Variants in BUB3 observed in about 807,000 individuals in gnomAD.
BUB3 encodes the protein BUB3 mitotic checkpoint protein.
A neutral mutation model predicts 39.9 loss-of-function variants in BUB3; 22 were observed. That is an observed-to-expected ratio of 0.55 (90% CI 0.39 to 0.79). BUB3 has a LOEUF of 0.79. Ranked by LOEUF, BUB3 falls within the 30% of genes least tolerant of loss-of-function variation. The pLI is 0.00. For missense variants in BUB3, 303 were observed against 415.4 expected, an observed-to-expected ratio of 0.73 and a Z score of 2.35; for synonymous variants, 168 against 155.1, an observed-to-expected ratio of 1.08 and a Z score of -0.62.
chr10:123,162,935 G>C, intron 7 of BUB3, 107 bp downstream of exon 7: 4 of 1,055,130 alleles, frequency 3.8e-6, no homozygotes, highest in Non-Finnish European at 5.6e-6. Context: ...CGATATTACA[G>C]CTGACTGTAG....
At chr10:123,157,254 A>T (rs77388907) in intron 3 of BUB3, among the ~76,000 whole-genome samples, 1 of 152,258 alleles carries the variant, frequency 6.6e-6, no homozygotes, top group African/African-American at 2.4e-5. Context: ...TAAGTTTCTT[A>T]GCAGCATTGG....
At position 123,160,464 on chromosome 10, in the gene BUB3, G is replaced by C; in HGVS notation, c.475G>C (p.Val159Leu). The change falls in exon 5 of 8, where the codon GTG (valine) becomes CTG (leucine). Residue 159 changes from valine to leucine, a missense_variant. This residue lies in a region of BUB3 where 182 missense variants were observed against 293.1 expected (regional missense o/e 0.62). Transcript: ENST00000368865. ...RLIVGTAGRR[V>L]LVWDLRNMGY... Reference sequence around the variant, plus strand: ...GATTGTGGGAACAGCAGGCCGCAGAGTGTTGGTGTGGGACTTACGGAACAT... The same window carrying C: ...GATTGTGGGAACAGCAGGCCGCAGACTGTTGGTGTGGGACTTACGGAACAT... 1 of 1,613,530 alleles carries C rather than the reference G, an allele frequency of 6.2e-7. No individual in the cohort carries two copies. The highest frequency in any genetic ancestry group is 8.5e-7 in the Non-Finnish European group (1 of 1,179,954).
At chr10:123,159,111 A>G (rs1029058212) in intron 4 of BUB3, among the ~76,000 whole-genome samples, 2 of 152,216 alleles carry the variant, frequency 1.3e-5, no homozygotes, top group Non-Finnish European at 2.9e-5. Context: ...TGAGTAAGCT[A>G]TGATAAATCT....
In BUB3 at chr10:123,164,157, G is replaced by GT. The variant is rs1844458613; in HGVS notation, c.*323dup. On this transcript the variant is annotated 3_prime_UTR_variant, in exon 8 of 8. Coordinates refer to ENST00000368865, the MANE Select transcript of BUB3 (RefSeq NM_004725.4). ...TGGAAATAAATGTTTGTAAATAAGT[G>GT]TAATAAAAATCCCTTTGCATTCTTT... 2 of 1,048,952 alleles carry GT rather than the reference G, an allele frequency of 1.9e-6. No individual in the cohort carries two copies. The highest frequency in any genetic ancestry group is 8.5e-5 in the South Asian group (2 of 23,480). The allele number at this position is 1,048,952 out of a possible 1,614,324, so 65.0% of individuals were successfully genotyped here.
rs1325446632 is a variant in BUB3, at chr10:123,165,237, A to G, written c.*1402A>G. 1.6e-6 allele frequency: 1 copy of G among 609,056 alleles called. No homozygotes were observed. Among genetic ancestry groups the G allele is most frequent in the East Asian group, 2.8e-5 (1 of 35,644 alleles). 37.7% of individuals were successfully genotyped at this position (609,056 alleles called of 1,614,324 possible). On this transcript the variant is annotated 3_prime_UTR_variant, in exon 8 of 8. Transcript: ENST00000368865. ...AGGAGTCTTTGTGTCCCTGTACAGT[A>G]GTCTGACGTATTTCCCCTTCTGTCC...
Position 123,164,937 on chromosome 10 carries a change from T to G in BUB3, c.*1102T>G. The G allele has an allele frequency of 6.7e-7, 1 of 1,492,916 alleles. No individual in the cohort carries two copies. Among genetic ancestry groups the G allele is most frequent in the Admixed American group, 2.5e-5 (1 of 40,296 alleles). 92.5% of individuals were successfully genotyped at this position (1,492,916 alleles called of 1,614,324 possible). On this transcript the variant is annotated 3_prime_UTR_variant, in exon 8 of 8. Coordinates refer to ENST00000368865, the MANE Select transcript of BUB3 (RefSeq NM_004725.4). Reference sequence around the variant, plus strand: ...GAGATTTATTTTATCCGTGATGTATTTTTTTTAATTCTTTTGATACAGAGA... The same window carrying G: ...GAGATTTATTTTATCCGTGATGTATGTTTTTTAATTCTTTTGATACAGAGA...
In BUB3 at chr10:123,168,544, T is replaced by A. The variant is rs2133574812; in HGVS notation, c.*4709T>A. The A allele has an allele frequency of 6.7e-6, 1 of 149,344 alleles. No individual in the cohort carries two copies. Among genetic ancestry groups the A allele is most frequent in the Admixed American group, 6.7e-5 (1 of 14,954 alleles). The allele number at this position is 149,344 out of a possible 1,614,324, so 9.3% of individuals were successfully genotyped here. A position where few individuals can be genotyped will look rare whatever the true frequency, so the allele number is the denominator to read the frequency against. On this transcript the variant is annotated 3_prime_UTR_variant, in exon 8 of 8. Transcript: ENST00000368865. ...TCATAAACTTTTGTAAAACGTGAGATTTTTTGTGATTTTTTTTTTTTCGAG... is the reference window on the plus strand; with the variant it reads ...TCATAAACTTTTGTAAAACGTGAGAATTTTTGTGATTTTTTTTTTTTCGAG...
Position 123,162,855 on chromosome 10 carries a change from C to A in BUB3, c.971+27C>A, listed in dbSNP as rs761029872. On this transcript the variant is annotated intron_variant, in intron 7 of 7. Coordinates refer to ENST00000368865, the MANE Select transcript of BUB3 (RefSeq NM_004725.4). ...TGAGTATGCTTCACCTGTATTTGAGCCTTTTCTTGCATTCAACCCAGGATT... is the reference window on the plus strand; with the variant it reads ...TGAGTATGCTTCACCTGTATTTGAGACTTTTCTTGCATTCAACCCAGGATT... 28 of 1,586,606 alleles carry A rather than the reference C, an allele frequency of 1.8e-5. 1 individual carries two copies. The South Asian group carries it at 1.9e-4, about 11-fold the overall frequency.
In BUB3 at chr10:123,166,986, C is replaced by A. The variant is rs1564785445; in HGVS notation, c.*3151C>A. The A allele has an allele frequency of 6.6e-6, 1 of 152,216 alleles. No individual in the cohort carries two copies. Among genetic ancestry groups the A allele is most frequent in the Non-Finnish European group, 1.5e-5 (1 of 68,052 alleles). The allele number at this position is 152,216 out of a possible 1,614,324, so 9.4% of individuals were successfully genotyped here. A position where few individuals can be genotyped will look rare whatever the true frequency, so the allele number is the denominator to read the frequency against. The stretch of plus-strand genomic sequence containing the variant: ...TGCTTTGCCAAAGGTATCTTCTATA[C>A]CCTAATAACACTAGCTTCCTTCCCT... On this transcript the variant is annotated 3_prime_UTR_variant, in exon 8 of 8. Coordinates refer to ENST00000368865, the MANE Select transcript of BUB3 (RefSeq NM_004725.4).
At chr10:123,154,838 G>T (rs986558031) in intron 1 of BUB3, 80 bp from the exon 2 acceptor site, 3 of 1,482,038 alleles carry the variant, frequency 2.0e-6, no homozygotes, top group African/African-American at 1.4e-5. Context: ...CCTCCCTCTG[G>T]GGGGACCCCC....
chr10:123,160,338 T>C (rs1444511544), intron 4 of BUB3, 69 bp from the exon 5 acceptor site: 1 of 1,402,140 alleles, frequency 7.1e-7, no homozygotes, highest in African/African-American at 1.4e-5. Flanking sequence ...AGATGGACTT[T>C]ATTTTGGGGC....
rs1391669450 is a variant in BUB3 at position 123,154,440 on chromosome 10, A to C, written c.-46A>C. On this transcript the variant is annotated 5_prime_UTR_variant, in exon 1 of 8. Transcript: ENST00000368865. The stretch of plus-strand genomic sequence containing the variant: ...GAAGCAAGGAGGCGGCGGCGGCCGC[A>C]GCGAGTGGCGAGTAGTGGAAACGTT... 1 of 154,938 alleles carries C rather than the reference A, an allele frequency of 6.5e-6. No homozygotes were observed. The highest frequency in any genetic ancestry group is 1.4e-5 in the Non-Finnish European group (1 of 69,962). 9.6% of individuals were successfully genotyped at this position (154,938 alleles called of 1,614,324 possible).
rs750692465 is a variant in BUB3 at position 123,162,602 on chromosome 10, T to C, written c.755-10T>C. ...AAGAACCATTTTAACTGTTTTGAAA[T>C]TACTTCCAGGTGGTTCTGATGGCTT... On this transcript the variant is annotated splice_polypyrimidine_tract_variant and intron_variant, in intron 6 of 7. Transcript: ENST00000368865. 3 of 1,601,238 alleles carry C rather than the reference T, an allele frequency of 1.9e-6. No individual in the cohort carries two copies. Among genetic ancestry groups the C allele is most frequent in the Non-Finnish European group, 2.5e-6 (3 of 1,176,768 alleles).
chr10:123,154,673 C>G (rs1403877503), intron 1 of BUB3, among the ~76,000 whole-genome samples, 188 bp downstream of exon 1: 1 of 152,138 alleles, frequency 6.6e-6, no homozygotes, highest in East Asian at 1.9e-4. Flanking sequence ...GTCCGGGCAT[C>G]GCTGTGGGCC....
At chr10:123,158,587 G>C (rs1844380258) in intron 4 of BUB3, among the ~76,000 whole-genome samples, 1 of 152,168 alleles carries the variant, frequency 6.6e-6, no homozygotes. Context: ...TATTTCCTCA[G>C]CGTGAATATA....
chr10:123,161,441 T>C (rs10902883), intron 5 of BUB3, among the ~76,000 whole-genome samples: 21,774 of 152,216 alleles, frequency 0.14, 1,856 homozygotes, highest in African/African-American at 0.24. Context: ...TTCAGAGATT[T>C]AGATATGTGA....
Position 123,167,821 on chromosome 10 carries a change from A to G in BUB3, c.*3986A>G, listed in dbSNP as rs1196345705. ...TGAAAATTGTATATATTTAAGGTATATAATGTTTTGATACATGTATACATT... is the reference window on the plus strand; with the variant it reads ...TGAAAATTGTATATATTTAAGGTATGTAATGTTTTGATACATGTATACATT... On this transcript the variant is annotated 3_prime_UTR_variant, in exon 8 of 8. Transcript: ENST00000368865. 1 of 152,244 alleles carries G rather than the reference A, an allele frequency of 6.6e-6. No individual in the cohort carries two copies. The highest frequency in any genetic ancestry group is 1.5e-5 in the Non-Finnish European group (1 of 68,040). The allele number at this position is 152,244 out of a possible 1,614,324, so 9.4% of individuals were successfully genotyped here.
At position 123,165,171 on chromosome 10, in the gene BUB3, C is replaced by A. The variant is rs192785062; in HGVS notation, c.*1336C>A. 5.4e-6 allele frequency: 7 copies of A among 1,290,770 alleles called. No homozygotes were observed. Among genetic ancestry groups the A allele is most frequent in the African/African-American group, 4.4e-5 (3 of 67,874 alleles). 80.0% of individuals were successfully genotyped at this position (1,290,770 alleles called of 1,614,324 possible). On this transcript the variant is annotated 3_prime_UTR_variant, in exon 8 of 8. Coordinates refer to ENST00000368865, the MANE Select transcript of BUB3 (RefSeq NM_004725.4). ...GTGGATTTCTCTGTTTTCTGTCTTACAAGAAACTTGTCTATGTACCTTAAT... is the reference window on the plus strand; with the variant it reads ...GTGGATTTCTCTGTTTTCTGTCTTAAAAGAAACTTGTCTATGTACCTTAAT...
At chr10:123,156,068 G>C (rs1286250295) in intron 3 of BUB3, among the ~76,000 whole-genome samples, 1 of 152,210 alleles carries the variant, frequency 6.6e-6, no homozygotes, top group Non-Finnish European at 1.5e-5. Context: ...CTGATGTTTT[G>C]AGAGTTCAGT....
Sources: allele counts gnomAD v4.1 joint callset (sites outside exome capture counted in the v4.1 genomes callset), GRCh38; gene constraint gnomAD v4.1.1; regional missense constraint gnomAD v4.1.1; transcripts MANE v1.5; gene names NCBI Gene and HGNC (gene_info 2026-07-23, HGNC 2026-07-21).